PRKCE: variants seen among roughly 807,000 people sequenced by gnomAD.
The protein encoded by PRKCE is protein kinase C epsilon type.
In PRKCE, 16 loss-of-function variants were observed where a neutral mutation model predicts 85.4. That is an observed-to-expected ratio of 0.19 (90% confidence interval 0.13 to 0.28). The LOEUF (loss-of-function observed/expected upper bound fraction) is 0.28. Ranked by LOEUF, PRKCE falls within the 10% of genes least tolerant of loss-of-function variation. The pLI, the probability that PRKCE is intolerant of heterozygous loss-of-function variation, is 1.00. For missense variants in PRKCE, 573 were observed against 975.2 expected, an observed-to-expected ratio of 0.59 and a Z score of 5.49; for synonymous variants, 388 against 371.5, an observed-to-expected ratio of 1.04 and a Z score of -0.51.
intron 10 of PRKCE, among the ~76,000 whole-genome samples, chr2:46,023,000 G>A (rs1017627520): frequency 2.6e-5 from 4 of 151,188 alleles, no homozygotes; most frequent in African/African-American, 7.3e-5. Flanking sequence ...GGAGAATGGC[G>A]TGAACCCGGG....
chr2:45,741,846 G>A (rs113506236), intron 1 of PRKCE, among the ~76,000 whole-genome samples: 15 of 152,354 alleles, frequency 9.8e-5, no homozygotes, highest in African/African-American at 3.6e-4. Flanking sequence ...CAGTGGGCAT[G>A]TGGAGAGCTA....
chr2:46,137,613 A>G (rs2104444952), intron 11 of PRKCE, among the ~76,000 whole-genome samples: 2 of 151,418 alleles, frequency 1.3e-5, no homozygotes, highest in Middle Eastern at 6.8e-3. Context: ...AAAAAAAAAA[A>G]GATCTGGACA....
chr2:46,020,582 A>G (rs1040124548), intron 10 of PRKCE, among the ~76,000 whole-genome samples: 4 of 152,196 alleles, frequency 2.6e-5, no homozygotes, highest in African/African-American at 4.8e-5. Context: ...TCTCAGTAAC[A>G]TATTTCATTG....
At chr2:45,679,138 A>G (rs1254562675) in intron 1 of PRKCE, among the ~76,000 whole-genome samples, 1 of 152,238 alleles carries the variant, frequency 6.6e-6, no homozygotes, top group Non-Finnish European at 1.5e-5. Flanking sequence ...GGAAAATTTC[A>G]TCCTGAAAGG....
At chr2:46,093,106 C>T (rs1020395372) in intron 11 of PRKCE, among the ~76,000 whole-genome samples, 1 of 152,144 alleles carries the variant, frequency 6.6e-6, no homozygotes, top group Non-Finnish European at 1.5e-5. Context: ...CAGCGTTACC[C>T]CATCCATTAT....
chr2:46,020,575 C>T (rs909882737), intron 10 of PRKCE, among the ~76,000 whole-genome samples: 1 of 152,190 alleles, frequency 6.6e-6, no homozygotes, highest in Non-Finnish European at 1.5e-5. Flanking sequence ...TATTCTGTCT[C>T]AGTAACATAT....
intron 1 of PRKCE, among the ~76,000 whole-genome samples, chr2:45,670,841 G>C (rs1676125612): frequency 6.6e-6 from 1 of 152,244 alleles, no homozygotes; most frequent in Non-Finnish European, 1.5e-5. Flanking sequence ...CTACTCCTTA[G>C]TAAACAAGTC....
chr2:45,985,374 T>G (rs1703232150), intron 6 of PRKCE, among the ~76,000 whole-genome samples: 1 of 151,986 alleles, frequency 6.6e-6, no homozygotes, highest in South Asian at 2.1e-4. Flanking sequence ...GAGGTGGAAA[T>G]GTATTCTGGT....
chr2:45,896,223 A>G (rs545965422), intron 2 of PRKCE, among the ~76,000 whole-genome samples: 4 of 152,170 alleles, frequency 2.6e-5, no homozygotes, highest in Admixed American at 6.5e-5. Flanking sequence ...GAAATTTGAA[A>G]GGCATGGACT....
chr2:45,976,962 T>C (rs184695156), intron 3 of PRKCE, among the ~76,000 whole-genome samples: 1 of 151,538 alleles, frequency 6.6e-6, no homozygotes, highest in East Asian at 2.0e-4. Context: ...AGTGGCATGA[T>C]CTCCACTCAA....
At chr2:45,954,790 G>A (rs534597407) in intron 2 of PRKCE, among the ~76,000 whole-genome samples, 4 of 152,282 alleles carry the variant, frequency 2.6e-5, no homozygotes, top group East Asian at 3.9e-4. Flanking sequence ...GTTTAGAACC[G>A]AGGATAGCTT....
chr2:45,999,320 C>T (rs934582677), intron 6 of PRKCE, among the ~76,000 whole-genome samples: 9 of 152,114 alleles, frequency 5.9e-5, no homozygotes, highest in African/African-American at 1.4e-4. Context: ...GTTTTAATTT[C>T]TCCTTCACTT....
intron 2 of PRKCE, among the ~76,000 whole-genome samples, chr2:45,871,878 G>C (rs1476001359): frequency 1.3e-5 from 2 of 152,146 alleles, no homozygotes; most frequent in East Asian, 3.8e-4. Flanking sequence ...GTCTGATGAC[G>C]AAGTGGAGAA....
At chr2:45,814,799 G>A (rs1261257954) in intron 1 of PRKCE, among the ~76,000 whole-genome samples, 1 of 152,162 alleles carries the variant, frequency 6.6e-6, no homozygotes, top group East Asian at 1.9e-4. Flanking sequence ...CATCCTCTCT[G>A]GAGGGAGGAG....
At chr2:45,800,363 T>G (rs879709467) in intron 1 of PRKCE, among the ~76,000 whole-genome samples, 6 of 152,206 alleles carry the variant, frequency 3.9e-5, no homozygotes, top group Admixed American at 2.0e-4. Flanking sequence ...AGCCTCATGC[T>G]GGGGGGTCTG....
intron 2 of PRKCE, among the ~76,000 whole-genome samples, chr2:45,868,957 C>CA (rs58698207): frequency 0.21 from 23,304 of 111,736 alleles, 2,279 homozygotes; most frequent in Non-Finnish European, 0.26. Flanking sequence ...CATCCTGTCT[C>CA]AAAAAAAAAA....
chr2:45,819,291 C>CT (rs1377922386), intron 1 of PRKCE, among the ~76,000 whole-genome samples: 5 of 152,186 alleles, frequency 3.3e-5, no homozygotes, highest in African/African-American at 4.8e-5. Context: ...CACACAGCTG[C>CT]TAAGTGATGC....
At chr2:45,932,773 C>T (rs1026278265) in intron 2 of PRKCE, among the ~76,000 whole-genome samples, 8 of 152,180 alleles carry the variant, frequency 5.3e-5, no homozygotes, top group East Asian at 3.8e-4. Flanking sequence ...TCCGTACCCA[C>T]GAAACACTAA....
chr2:45,886,107 G>A (rs1360218592), intron 2 of PRKCE, among the ~76,000 whole-genome samples: 1 of 152,206 alleles, frequency 6.6e-6, no homozygotes, highest in East Asian at 1.9e-4. Flanking sequence ...GCTGGCAGGT[G>A]GAACTCTTAC....
Sources: allele counts gnomAD v4.1 joint callset (sites outside exome capture counted in the v4.1 genomes callset), GRCh38; gene constraint gnomAD v4.1.1; transcripts MANE v1.5; gene names NCBI Gene and HGNC (gene_info 2026-07-23, HGNC 2026-07-21).